The following STX7 variants were observed in gnomAD, a reference collection of about 807,000 sequenced individuals.
STX7 encodes syntaxin-7.
Under a neutral mutation model 39.6 loss-of-function variants are expected in STX7, and 34 were observed. The observed-to-expected ratio is 0.86, with a 90% CI of 0.65 to 1.14. The LOEUF is 1.14. Among genes scored for constraint, STX7 ranks in the 50% most tolerant of loss-of-function variants. STX7 has a pLI of 0.00. For missense variants in STX7, 284 were observed against 310.4 expected (o/e 0.92, Z 0.64); for synonymous variants, 119 against 99.1 (o/e 1.20, Z -1.19).
chr6:132,509,455 A>C (rs1433396170), intron 1 of STX7, among the ~76,000 whole-genome samples: 68 of 4,558 alleles, frequency 0.015, 6 homozygotes, highest in African/African-American at 0.035. Flanking sequence ...GTCTCAAAAT[A>C]ACATAACATA....
In STX7 at chr6:132,452,413, A is replaced by C. The variant is rs1774153250; in HGVS notation, c.*8345T>G. 1 of 151,940 alleles carries C rather than the reference A, an allele frequency of 6.6e-6. No homozygotes were observed. Among genetic ancestry groups the C allele is most frequent in the Admixed American group, 6.6e-5 (1 of 15,256 alleles). The allele number at this position is 151,940 out of a possible 1,614,324, so 9.4% of individuals were successfully genotyped here. ...AGGGACTGAAAGGAAAAAAAAAAGG[A>C]ATATAGGTCAGAAATGAAGAGATAA... On this transcript the variant is annotated 3_prime_UTR_variant, in exon 10 of 10. Coordinates refer to ENST00000367941, the MANE Select transcript of STX7 (RefSeq NM_003569.3).
intron 2 of STX7, among the ~76,000 whole-genome samples, chr6:132,494,321 T>C (rs953856763): frequency 1.3e-5 from 2 of 152,216 alleles, no homozygotes; most frequent in African/African-American, 4.8e-5. Context: ...TAAATACTTC[T>C]GTAGCCAAGA....
intron 8 of STX7, among the ~76,000 whole-genome samples, chr6:132,464,574 C>T (rs544348086): frequency 7.6e-4 from 115 of 152,256 alleles, no homozygotes; most frequent in South Asian, 3.3e-3. Flanking sequence ...AACCCAAATG[C>T]TAAAACTTGA....
At chr6:132,509,549 C>T (rs1053854626) in intron 1 of STX7, among the ~76,000 whole-genome samples, 1 of 151,730 alleles carries the variant, frequency 6.6e-6, no homozygotes, top group African/African-American at 2.4e-5. Flanking sequence ...ACCAAATTTA[C>T]CACTTTTCTG....
chr6:132,481,276 C>A (rs769187973), intron 2 of STX7, among the ~76,000 whole-genome samples: 3 of 151,990 alleles, frequency 2.0e-5, no homozygotes, highest in Admixed American at 6.6e-5. Context: ...AGATTGGGAT[C>A]TTTTTGGTTA....
intron 2 of STX7, among the ~76,000 whole-genome samples, chr6:132,480,507 G>C (rs1774989623): frequency 1.3e-5 from 2 of 152,248 alleles, no homozygotes; most frequent in African/African-American, 4.8e-5. Flanking sequence ...AACATCCAAG[G>C]GAGGAAAACA....
chr6:132,503,999 AG>A (rs1344872958), intron 1 of STX7, among the ~76,000 whole-genome samples: 2 of 152,240 alleles, frequency 1.3e-5, no homozygotes, highest in African/African-American at 4.8e-5. Flanking sequence ...TAGCACAAAC[AG>A]GCATTTAAAT....
intron 1 of STX7, among the ~76,000 whole-genome samples, chr6:132,512,805 C>A (rs1775885857): frequency 6.6e-6 from 1 of 152,174 alleles, no homozygotes; most frequent in African/African-American, 2.4e-5. Context: ...CGCGCCCTTG[C>A]ACCCGGCCGG....
At chr6:132,462,924 A>G (rs980189787) in intron 9 of STX7, among the ~76,000 whole-genome samples, 2 of 152,176 alleles carry the variant, frequency 1.3e-5, no homozygotes, top group Non-Finnish European at 2.9e-5. Context: ...TAGATATTTT[A>G]TAAGAAGTTA....
At chr6:132,512,820 C>A (rs1232243510) in intron 1 of STX7, among the ~76,000 whole-genome samples, 187 bp downstream of exon 1, 1 of 152,156 alleles carries the variant, frequency 6.6e-6, no homozygotes, top group East Asian at 1.9e-4. Context: ...GGCCGGGGGG[C>A]GTGGGGAGCC....
chr6:132,483,211 AT>A (rs1475032021), intron 2 of STX7, among the ~76,000 whole-genome samples: 7 of 152,224 alleles, frequency 4.6e-5, no homozygotes, highest in African/African-American at 1.7e-4. Context: ...AGTTTCTAAT[AT>A]AAAATGGCAT....
intron 9 of STX7, among the ~76,000 whole-genome samples, chr6:132,462,621 G>GTGTGTGTGTGTT (rs1491098854): frequency 7.1e-6 from 1 of 140,122 alleles, no homozygotes; most frequent in Non-Finnish European, 1.6e-5. Flanking sequence ...GTGTGTGTGT[G>GTGTGTGTGTGTT]TTTTCAATTA....
chr6:132,488,698 A>T (rs1482197482), intron 2 of STX7, among the ~76,000 whole-genome samples: 2 of 152,228 alleles, frequency 1.3e-5, no homozygotes, highest in East Asian at 3.8e-4. Context: ...ATCAATTGAC[A>T]AAAGATAGTT....
chr6:132,510,984 A>G (rs1355015748), intron 1 of STX7, among the ~76,000 whole-genome samples: 1 of 152,230 alleles, frequency 6.6e-6, no homozygotes, highest in African/African-American at 2.4e-5. Context: ...GCAAAGAAGT[A>G]GTCAATTTCA....
chr6:132,468,106 A>G (rs970294814), intron 8 of STX7, among the ~76,000 whole-genome samples: 2 of 152,208 alleles, frequency 1.3e-5, no homozygotes, highest in Admixed American at 6.5e-5. Context: ...GAGGCCCTGG[A>G]AATAAGCTGG....
rs896607076 is a variant in STX7 at position 132,480,601 on chromosome 6, C to T, written c.86-4939G>A. On this transcript the variant is annotated intron_variant, in intron 2 of 9. Coordinates refer to ENST00000367941, the MANE Select transcript of STX7 (RefSeq NM_003569.3). ...TAATTATTAAGCGGAATTTGGGGTA[C>T]GCTCATACACAAGTAAAAGGGAGAT... Among the ~76,000 whole-genome samples, 9 of 152,202 alleles carry T rather than the reference C, an allele frequency of 5.9e-5. No individual in the cohort carries two copies. In the South Asian group the frequency reaches 1.7e-3, roughly 28 times the overall value.
chr6:132,480,437 C>T (rs765423595), intron 2 of STX7, among the ~76,000 whole-genome samples: 4 of 152,284 alleles, frequency 2.6e-5, no homozygotes, highest in East Asian at 3.9e-4. Context: ...CAATATTTCA[C>T]GATTACACCT....
chr6:132,488,246 T>C (rs1018301206), intron 2 of STX7, among the ~76,000 whole-genome samples: 18 of 152,216 alleles, frequency 1.2e-4, no homozygotes, highest in African/African-American at 4.3e-4. Flanking sequence ...CAAGGAATAT[T>C]ATCTTGTATG....
chr6:132,483,318 G>A (rs1775055114), intron 2 of STX7, among the ~76,000 whole-genome samples: 1 of 152,116 alleles, frequency 6.6e-6, no homozygotes, highest in Non-Finnish European at 1.5e-5. Flanking sequence ...AATTGTTATA[G>A]TGTACTGTGT....
Sources: allele counts gnomAD v4.1 joint callset (sites outside exome capture counted in the v4.1 genomes callset), GRCh38; gene constraint gnomAD v4.1.1; transcripts MANE v1.5; gene names NCBI Gene and HGNC (gene_info 2026-07-23, HGNC 2026-07-21).